The following TNS2 variants were observed in gnomAD, a reference collection of about 807,000 sequenced individuals.
TNS2 encodes tensin 2.
In TNS2, 77 loss-of-function variants were observed where a neutral mutation model predicts 155.7. That is an observed-to-expected ratio of 0.49 (90% confidence interval 0.41 to 0.60). The LOEUF (loss-of-function observed/expected upper bound fraction) is 0.60. TNS2 is among the 20% of genes least tolerant of loss of function. The pLI is 0.00. For missense variants in TNS2, 1,703 were observed against 1,868.8 expected (o/e 0.91, Z 1.64); for synonymous variants, 726 against 763.9 (o/e 0.95, Z 0.82).
intron 2 of TNS2, 41 bp downstream of exon 2, chr12:53,052,004 G>C: frequency 6.6e-7 from 1 of 1,514,362 alleles, no homozygotes. Flanking sequence ...CCTCCACCCA[G>C]TACCACTGTG....
At chr12:53,061,688 T>C in intron 21 of TNS2, 127 bp from the exon 22 acceptor site, 1 of 1,496,356 alleles carries the variant, frequency 6.7e-7, no homozygotes, top group South Asian at 1.3e-5. Context: ...GGCCTCAGAC[T>C]CTTACCGCCA....
chr12:53,059,603 C>A lies in TNS2; in HGVS notation c.1962C>A (p.Tyr654Ter). 2 of 1,611,826 alleles carry A rather than the reference C, an allele frequency of 1.2e-6. No individual in the cohort carries two copies. The highest frequency in any genetic ancestry group is 1.7e-6 in the Non-Finnish European group (2 of 1,179,188). The change falls in exon 18 of 29, where the codon TAC (tyrosine) becomes TAA (stop). Residue 654 changes from tyrosine (Y) to a stop codon, truncating the protein, a stop_gained. Transcript: ENST00000314250. LOFTEE classifies it high-confidence loss of function. This position sits in a 1 kb window ranked among gnomAD's most constrained non-coding sequence, Gnocchi z 4.7. ...CRSLSEGLYP[Y>*]PPEMGKPATG... ...CGCTGTCAGAGGGGCTATACCCCTACCCACCTGAGATGGGGAAACCAGCCA... is the reference window on the plus strand; with the variant it reads ...CGCTGTCAGAGGGGCTATACCCCTAACCACCTGAGATGGGGAAACCAGCCA...
At chr12:53,058,879 G>C (rs552978143) in intron 17 of TNS2, 52 bp downstream of exon 17, 4 of 1,594,336 alleles carry the variant, frequency 2.5e-6, no homozygotes, top group South Asian at 1.1e-5. Context: ...CGGGACCCTG[G>C]GGGGTGGTGC....
rs2121178214 is a variant in TNS2 at position 53,063,030 on chromosome 12, C to T, written c.3824-59C>T. ...GCAGTAGCTGGGGAATGTGCAAGAG[C>T]TGGTGGGGGTGGCTAGGGGATGGGC... On this transcript the variant is annotated intron_variant, in intron 25 of 28. Transcript: ENST00000314250. The surrounding 1 kb of genome is among the most constrained non-coding windows in gnomAD (Gnocchi z 5.6). The T allele has an allele frequency of 4.0e-6, 6 of 1,500,596 alleles. No homozygotes were observed. The highest frequency in any genetic ancestry group is 2.3e-5 in the East Asian group (1 of 43,880). The allele number at this position is 1,500,596 out of a possible 1,614,324, so 93.0% of individuals were successfully genotyped here.
intron 11 of TNS2, 31 bp downstream of exon 11, chr12:53,057,127 G>A: frequency 1.3e-6 from 2 of 1,596,936 alleles, no homozygotes; most frequent in South Asian, 2.3e-5. Context: ...TGGGCCAGAG[G>A]AGCAGCTCCC....
intron 24 of TNS2, 35 bp downstream of exon 24, chr12:53,062,488 C>A: frequency 6.2e-7 from 1 of 1,611,976 alleles, no homozygotes; most frequent in Non-Finnish European, 8.5e-7. Flanking sequence ...CCCACCTCTC[C>A]CTACCCCCTG....
At chr12:53,061,780 C>G in intron 21 of TNS2, 35 bp from the exon 22 acceptor site, 1 of 1,591,704 alleles carries the variant, frequency 6.3e-7, no homozygotes, top group Non-Finnish European at 8.6e-7. Flanking sequence ...CCTGTGAAAA[C>G]TCCTCCCCAC....
At chr12:53,049,976 C>G, upstream of TNS2, 5 of 1,233,044 alleles carry the variant, frequency 4.1e-6, no homozygotes, top group Non-Finnish European at 5.4e-6. Context: ...CCCACATCCT[C>G]CCCCCTCCAC....
intron 11 of TNS2, 92 bp downstream of exon 11, chr12:53,057,188 T>G (rs1168432447): frequency 6.6e-6 from 9 of 1,356,234 alleles, no homozygotes; most frequent in Non-Finnish European, 9.3e-6. Context: ...ACACTTTCAC[T>G]GAGTGTGCCA....
At chr12:53,049,137 G>A, upstream of TNS2, 1 of 1,549,392 alleles carries the variant, frequency 6.5e-7, no homozygotes, top group Non-Finnish European at 8.7e-7. Context: ...AGGGAGGCCG[G>A]AGGCCCATGG....
chr12:53,060,422 T>A lies in TNS2; in HGVS notation c.2635T>A (p.Ser879Thr). Residue 879 changes from serine to threonine, a missense_variant, in exon 19 of 29, where the codon TCC (serine) becomes ACC (threonine). Ser to Thr is a moderately conservative substitution (Grantham distance 58). Coordinates refer to ENST00000314250, the MANE Select transcript of TNS2 (RefSeq NM_170754.4). The surrounding 1 kb of genome is among the most constrained non-coding windows in gnomAD (Gnocchi z 6.1). ...CACTGCAGAGTCGCTGGAGCCGGTG[T>A]CCTGGAGGGAGGGCCCCAGTGGGCA... The part of the protein sequence containing the change: ...LASAESLEPV[S>T]WREGPSGHST... The A allele has an allele frequency of 1.2e-6, 2 of 1,613,352 alleles. No individual in the cohort carries two copies. Among genetic ancestry groups the A allele is most frequent in the Non-Finnish European group, 1.7e-6 (2 of 1,179,904 alleles).
intron 15 of TNS2, 34 bp downstream of exon 15, chr12:53,058,479 CCAGGTGG>C (rs1226758598): frequency 6.2e-7 from 1 of 1,611,816 alleles, no homozygotes; most frequent in Non-Finnish European, 8.5e-7. Context: ...GGGCTGGAGT[CCAGGTGG>C]CAGGCAGGTG....
In TNS2 at chr12:53,053,445, A is replaced by G. The variant is rs1944016040; in HGVS notation, c.257A>G (p.Glu86Gly). The stretch of plus-strand genomic sequence containing the variant: ...GCCTGTCAGGCCTTGCCTCCCGTGG[A>G]GTTGGTGAGTGCGCTCTGGGATGGG... ...TSACQALPPV[E>G]LRRNTAPVRR... The change falls in exon 4 of 29, where the codon GAG becomes GGG. Residue 86 changes from glutamate to glycine, a missense_variant. Physicochemically the swap from Glu to Gly is moderately conservative, Grantham distance 98. Coordinates refer to ENST00000314250, the MANE Select transcript of TNS2 (RefSeq NM_170754.4). 1 of 1,613,516 alleles carries G rather than the reference A, an allele frequency of 6.2e-7. No homozygotes were observed. Among genetic ancestry groups the G allele is most frequent in the Non-Finnish European group, 8.5e-7 (1 of 1,179,782 alleles).
rs760854862 is a variant in TNS2 at position 53,055,221 on chromosome 12, C to G, written c.558C>G (p.Thr186=). 2 of 1,614,018 alleles carry G rather than the reference C, an allele frequency of 1.2e-6. No individual in the cohort carries two copies. The highest frequency in any genetic ancestry group is 3.3e-5 in the Admixed American group (2 of 60,012). Residue 186 remains threonine (T), a synonymous_variant, in exon 8 of 29, where the codon ACC becomes ACG. Coordinates refer to ENST00000314250, the MANE Select transcript of TNS2 (RefSeq NM_170754.4). ...TTTCAGAGAAAAGGCATGACCTGAC[C>G]CGCTTAAACCCCAAGGTATGAAGGA... ...FNLSEKRHDL[T]RLNPKVQDFG...
At chr12:53,062,830 A>G (rs1944426055) in intron 25 of TNS2, 133 bp downstream of exon 25, 1 of 1,129,424 alleles carries the variant, frequency 8.9e-7, no homozygotes, top group African/African-American at 1.5e-5. Context: ...GGAGCCCCAT[A>G]CTGTCGGGGA....
rs1943950767 is a variant in TNS2, at chr12:53,051,983, G to A, written c.184+20G>A. The A allele has an allele frequency of 1.9e-6, 3 of 1,590,848 alleles. No homozygotes were observed. The highest frequency in any genetic ancestry group is 1.3e-5 in the African/African-American group (1 of 74,488). On this transcript the variant is annotated intron_variant, in intron 2 of 28. Transcript: ENST00000314250. ...GCAGAGGTGAGGCTCTCTGTCCTGT[G>A]ACTCTGAGACCCTCCACCCAGTACC...
chr12:53,058,863 T>C (rs1175390718), intron 17 of TNS2, 36 bp downstream of exon 17: 1 of 1,606,138 alleles, frequency 6.2e-7, no homozygotes, highest in South Asian at 1.1e-5. Flanking sequence ...AGGTACAGGG[T>C]TGTGGCGGGA....
In TNS2 at chr12:53,060,329, G is replaced by C; in HGVS notation, c.2617+71G>C. The C allele has an allele frequency of 1.3e-6, 2 of 1,567,666 alleles. No individual in the cohort carries two copies. Among genetic ancestry groups the C allele is most frequent in the Non-Finnish European group, 8.7e-7 (1 of 1,154,272 alleles). On this transcript the variant is annotated intron_variant, in intron 18 of 28. Coordinates refer to ENST00000314250, the MANE Select transcript of TNS2 (RefSeq NM_170754.4). This position sits in a 1 kb window ranked among gnomAD's most constrained non-coding sequence, Gnocchi z 6.1. The stretch of plus-strand genomic sequence containing the variant: ...GGAAGATGGTGGGGAAGTCAAGGGG[G>C]AACAGGGTGAGAAACAGCTAAGCCA...
chr12:53,053,260 G>A (rs1944008039), intron 3 of TNS2, 151 bp from the exon 4 acceptor site: 3 of 844,244 alleles, frequency 3.6e-6, no homozygotes, highest in Non-Finnish European at 5.9e-6. Context: ...CCAGAGGGGA[G>A]GTGCCCTTAA....
Sources: allele counts gnomAD v4.1 joint callset, GRCh38; gene constraint gnomAD v4.1.1; non-coding constraint Gnocchi (gnomAD v3.1); transcripts MANE v1.5; gene names NCBI Gene and HGNC (gene_info 2026-07-23, HGNC 2026-07-21).